DPYSL2: variants seen among roughly 807,000 people sequenced by gnomAD.
DPYSL2 encodes the protein dihydropyrimidinase-related protein 2.
DPYSL2 carries 13 observed loss-of-function variants against 69.9 expected under a neutral mutation model. The ratio of observed to expected loss-of-function variants is 0.19; its 90% CI spans 0.12 to 0.30. DPYSL2 has a LOEUF of 0.30. Among genes scored for constraint, DPYSL2 ranks in the 10% least tolerant of loss-of-function variants. The probability of loss-of-function intolerance (pLI) is 1.00; values close to 1 mark genes in which losing one functional copy is unlikely to be tolerated. For synonymous variants in DPYSL2, 326 were observed against 359.1 expected, an observed-to-expected ratio of 0.91 and a Z score of 1.04; for missense variants, 587 against 918.9, an observed-to-expected ratio of 0.64 and a Z score of 4.67.
chr8:26,536,529 G>A (rs1229573502), intron 1 of DPYSL2, among the ~76,000 whole-genome samples: 1 of 152,096 alleles, frequency 6.6e-6, no homozygotes, highest in African/African-American at 2.4e-5. Flanking sequence ...AAATTAGCCA[G>A]GGGTAGTGGC....
chr8:26,522,476 G>A (rs531207504), intron 1 of DPYSL2, among the ~76,000 whole-genome samples: 15 of 152,306 alleles, frequency 9.8e-5, no homozygotes, highest in African/African-American at 3.4e-4. Context: ...AGCAACATTT[G>A]AAGGTTCCAA....
chr8:26,653,441 T>C lies in DPYSL2; in HGVS notation c.1942+44T>C. On this transcript the variant is annotated intron_variant, in intron 13 of 13. Transcript: ENST00000521913. This position sits in a 1 kb window ranked among gnomAD's most constrained non-coding sequence, Gnocchi z 5.7. ...GAGGGCACAGTTCTGCAGGGCCAGC[T>C]CGCTGGTGCTGGCGAGGCTACAGTT... 1 of 1,565,944 alleles carries C rather than the reference T, an allele frequency of 6.4e-7. No individual in the cohort carries two copies. Among genetic ancestry groups the C allele is most frequent in the South Asian group, 1.2e-5 (1 of 84,728 alleles).
Position 26,514,732 on chromosome 8 carries a change from C to A in DPYSL2, c.354+53C>A. 7.4e-7 allele frequency: 1 copy of A among 1,345,052 alleles called. No homozygotes were observed. Among genetic ancestry groups the A allele is most frequent in the Non-Finnish European group, 9.6e-7 (1 of 1,043,374 alleles). 83.3% of individuals were successfully genotyped at this position (1,345,052 alleles called of 1,614,324 possible). On this transcript the variant is annotated intron_variant, in intron 1 of 13. Coordinates refer to ENST00000521913, the MANE Select transcript of DPYSL2 (RefSeq NM_001197293.3). This position sits in a 1 kb window ranked among gnomAD's most constrained non-coding sequence, Gnocchi z 8.4. Reference sequence around the variant, plus strand: ...GGAGGACGGGGCGCGGGGATCGCCCCTCCCTCGCCCCTGAGCCCGGCGCGC... The same window carrying A: ...GGAGGACGGGGCGCGGGGATCGCCCATCCCTCGCCCCTGAGCCCGGCGCGC...
intron 3 of DPYSL2, among the ~76,000 whole-genome samples, chr8:26,616,341 C>T (rs1366749776): frequency 1.3e-5 from 2 of 152,158 alleles, no homozygotes; most frequent in Admixed American, 6.5e-5. Flanking sequence ...AAAAGCCATT[C>T]CCTGCCTGGT....
At chr8:26,595,970 T>TA (rs1213384128) in intron 3 of DPYSL2, among the ~76,000 whole-genome samples, 2 of 152,048 alleles carry the variant, frequency 1.3e-5, no homozygotes, top group African/African-American at 4.8e-5. Context: ...GTTTTTTTTT[T>TA]AATTACTGTT....
Position 26,593,485 on chromosome 8 carries a change from C to G in DPYSL2, c.628+9502C>G, listed in dbSNP as rs1377640991. On this transcript the variant is annotated intron_variant, in intron 3 of 13. Coordinates refer to ENST00000521913, the MANE Select transcript of DPYSL2 (RefSeq NM_001197293.3). The surrounding 1 kb of genome is among the most constrained non-coding windows in gnomAD (Gnocchi z 5.7). ...AGCTGCCCTCTGCTCCCTGCTTTGTCCTGTCCTCTTCACGAAGGGAGTGGG... is the reference window on the plus strand; with the variant it reads ...AGCTGCCCTCTGCTCCCTGCTTTGTGCTGTCCTCTTCACGAAGGGAGTGGG... Among the ~76,000 whole-genome samples, 1 of 152,178 alleles carries G rather than the reference C, an allele frequency of 6.6e-6. No homozygotes were observed. Among genetic ancestry groups the G allele is most frequent in the East Asian group, 1.9e-4 (1 of 5,198 alleles).
At chr8:26,578,578 G>T in intron 1 of DPYSL2, 1 of 1,338,586 alleles carries the variant, frequency 7.5e-7, no homozygotes, top group South Asian at 1.7e-5. Flanking sequence ...AGTGAGAGAT[G>T]CTGCAGCGTC....
intron 1 of DPYSL2, among the ~76,000 whole-genome samples, chr8:26,553,214 C>G (rs537853221): frequency 6.6e-6 from 1 of 152,264 alleles, no homozygotes; most frequent in Non-Finnish European, 1.5e-5. Context: ...GTGAATTCAA[C>G]CAAATAATTT....
chr8:26,525,204 T>A (rs1407897475), intron 1 of DPYSL2, among the ~76,000 whole-genome samples: 5 of 152,190 alleles, frequency 3.3e-5, no homozygotes, highest in African/African-American at 9.6e-5. Flanking sequence ...TCTTTTTGAA[T>A]TTCATGAGTT....
In DPYSL2 at chr8:26,627,312, T is replaced by A. The variant is rs990612813; in HGVS notation, c.936+17T>A. ...ATTGCAGAGGTACAGGGCTTTCTTT[T>A]TCGTCATTTCTTCATCACCTGGAGG... is the stretch of plus-strand genomic sequence containing the variant. On this transcript the variant is annotated intron_variant, in intron 6 of 13. Coordinates refer to ENST00000521913, the MANE Select transcript of DPYSL2 (RefSeq NM_001197293.3). The surrounding 1 kb of genome is among the most constrained non-coding windows in gnomAD (Gnocchi z 6.9). The A allele has an allele frequency of 1.2e-6, 2 of 1,613,790 alleles. No homozygotes were observed. Among genetic ancestry groups the A allele is most frequent in the Non-Finnish European group, 1.7e-6 (2 of 1,179,686 alleles).
At position 26,598,169 on chromosome 8, in the gene DPYSL2, C is replaced by T. The variant is rs1585535217; in HGVS notation, c.628+14186C>T. Among the ~76,000 whole-genome samples the T allele has an allele frequency of 1.3e-5, 2 of 152,120 alleles. No homozygotes were observed. Among genetic ancestry groups the T allele is most frequent in the African/African-American group, 4.8e-5 (2 of 41,428 alleles). The stretch of plus-strand genomic sequence containing the variant: ...GTAGCCCCTTCACCCCAGTTTTGCT[C>T]CTGACCGTTGAAGCTTTTTATATTG... On this transcript the variant is annotated intron_variant, in intron 3 of 13. Transcript: ENST00000521913. This position sits in a 1 kb window ranked among gnomAD's most constrained non-coding sequence, Gnocchi z 4.2.
chr8:26,601,198 A>C (rs1801982575), intron 3 of DPYSL2, among the ~76,000 whole-genome samples: 1 of 152,092 alleles, frequency 6.6e-6, no homozygotes, highest in African/African-American at 2.4e-5. Context: ...TCACTCTGTA[A>C]GATAGGGTGG....
In DPYSL2 at chr8:26,652,754, G is replaced by A. The variant is rs1803302990; in HGVS notation, c.1776+318G>A. ...AGGACATTTTGAGTTGGGCTTTGAA[G>A]GTTAAGTAGGAGTTTGTCAAGTCAA... On this transcript the variant is annotated intron_variant, in intron 12 of 13. Coordinates refer to ENST00000521913, the MANE Select transcript of DPYSL2 (RefSeq NM_001197293.3). The surrounding 1 kb of genome is among the most constrained non-coding windows in gnomAD (Gnocchi z 6.3). 6.6e-6 allele frequency among the ~76,000 whole-genome samples: 1 copy of A among 152,118 alleles called. No homozygotes were observed. The highest frequency in any genetic ancestry group is 1.5e-5 in the Non-Finnish European group (1 of 68,028).
chr8:26,525,625 A>G (rs1808463394), intron 1 of DPYSL2, among the ~76,000 whole-genome samples: 1 of 152,214 alleles, frequency 6.6e-6, no homozygotes, highest in Admixed American at 6.5e-5. Context: ...TTCCAATGGC[A>G]TTTATTGAAC....
chr8:26,517,015 G>A lies in DPYSL2; in HGVS notation c.354+2336G>A, dbSNP rs1808300523. Among the ~76,000 whole-genome samples, 2 of 152,214 alleles carry A rather than the reference G, an allele frequency of 1.3e-5. No homozygotes were observed. The highest frequency in any genetic ancestry group is 2.9e-5 in the Non-Finnish European group (2 of 68,042). On this transcript the variant is annotated intron_variant, in intron 1 of 13. Transcript: ENST00000521913. The surrounding 1 kb of genome is among the most constrained non-coding windows in gnomAD (Gnocchi z 4.2). ...AGTTGGTTTTCAACGAATGAGTTGG[G>A]TGAGTGCCAGCATCTCTGTGCATTC...
At chr8:26,540,623 A>C (rs1057264324) in intron 1 of DPYSL2, among the ~76,000 whole-genome samples, 1 of 152,182 alleles carries the variant, frequency 6.6e-6, no homozygotes, top group Admixed American at 6.5e-5. Context: ...AAATATATTT[A>C]GGCCAGGCAT....
intron 4 of DPYSL2, among the ~76,000 whole-genome samples, chr8:26,625,934 A>G (rs1257124509): frequency 6.6e-6 from 1 of 152,190 alleles, no homozygotes; most frequent in African/African-American, 2.4e-5. Flanking sequence ...CTCCATCCAC[A>G]GGTCTCTTTA....
At chr8:26,612,933 A>G (rs1802267217) in intron 3 of DPYSL2, among the ~76,000 whole-genome samples, 2 of 152,252 alleles carry the variant, frequency 1.3e-5, no homozygotes, top group Admixed American at 1.3e-4. Flanking sequence ...GTAAGATCGT[A>G]AACCTGTCCT....
At chr8:26,527,896 A>G (rs1047040945) in intron 1 of DPYSL2, among the ~76,000 whole-genome samples, 1 of 147,892 alleles carries the variant, frequency 6.8e-6, no homozygotes, top group Non-Finnish European at 1.5e-5. Context: ...TCTGCTTCCC[A>G]GACTCAAGCA....
Sources: allele counts gnomAD v4.1 joint callset (sites outside exome capture counted in the v4.1 genomes callset), GRCh38; gene constraint gnomAD v4.1.1; non-coding constraint Gnocchi (gnomAD v3.1); transcripts MANE v1.5; gene names NCBI Gene and HGNC (gene_info 2026-07-23, HGNC 2026-07-21).